The following CSNK1G1 variants were observed in gnomAD, a reference collection of about 807,000 sequenced individuals.
CSNK1G1 encodes casein kinase I isoform gamma-1.
A neutral mutation model predicts 59.6 loss-of-function variants in CSNK1G1; 22 were observed. The ratio of observed to expected loss-of-function variants is 0.37; its 90% CI spans 0.26 to 0.53. The LOEUF (loss-of-function observed/expected upper bound fraction) is 0.53, where lower values mean the gene tolerates loss of function less well. CSNK1G1 is among the 20% of genes least tolerant of loss of function. The probability of loss-of-function intolerance (pLI) is 0.89; values close to 1 mark genes in which losing one functional copy is unlikely to be tolerated. For missense variants in CSNK1G1, 384 were observed against 519.5 expected (o/e 0.74, Z 2.54); for synonymous variants, 179 against 177.1 (o/e 1.01, Z -0.08).
At chr15:64,299,433 A>G (rs1383256071) in intron 2 of CSNK1G1, among the ~76,000 whole-genome samples, 1 of 152,048 alleles carries the variant, frequency 6.6e-6, no homozygotes, top group African/African-American at 2.4e-5. Context: ...CTAAAAATAC[A>G]AAAACAAAAT....
intron 1 of CSNK1G1, among the ~76,000 whole-genome samples, chr15:64,329,593 C>T (rs1897016936): frequency 2.3e-5 from 3 of 132,714 alleles, no homozygotes; most frequent in Non-Finnish European, 1.6e-5. Context: ...AAATTGACAT[C>T]CTAACATCAC....
At chr15:64,335,057 TC>T (rs969981704) in intron 1 of CSNK1G1, among the ~76,000 whole-genome samples, 14 of 152,198 alleles carry the variant, frequency 9.2e-5, no homozygotes, top group Non-Finnish European at 2.1e-4. Context: ...CAAGTACTGC[TC>T]AGTTCACATA....
At chr15:64,286,376 T>C (rs1010758058) in intron 2 of CSNK1G1, among the ~76,000 whole-genome samples, 1 of 151,640 alleles carries the variant, frequency 6.6e-6, no homozygotes, top group African/African-American at 2.4e-5. Flanking sequence ...GTTAACAATA[T>C]TGTTAACAAT....
intron 7 of CSNK1G1, among the ~76,000 whole-genome samples, chr15:64,205,550 G>C (rs62024570): frequency 0.077 from 11,681 of 152,216 alleles, 1,401 homozygotes; most frequent in African/African-American, 0.26. Flanking sequence ...TATAGCCAGA[G>C]GGCTTCTGAA....
At chr15:64,238,450 G>A (rs1481338146) in intron 4 of CSNK1G1, among the ~76,000 whole-genome samples, 14 of 123,622 alleles carry the variant, frequency 1.1e-4, no homozygotes, top group Admixed American at 2.0e-4. Flanking sequence ...CTATGATCAC[G>A]CCACTACACT....
At chr15:64,194,011 T>C (rs2082006907) in intron 10 of CSNK1G1, 1 of 152,570 alleles carries the variant, frequency 6.6e-6, no homozygotes, top group South Asian at 2.1e-4. Flanking sequence ...GACTAGGTGA[T>C]AGAACAGAAG....
At chr15:64,348,912 A>T (rs907263251) in intron 1 of CSNK1G1, among the ~76,000 whole-genome samples, 3 of 152,128 alleles carry the variant, frequency 2.0e-5, no homozygotes, top group African/African-American at 7.2e-5. Flanking sequence ...AGGGCAGATC[A>T]CCTGAGGTCA....
chr15:64,312,746 T>C (rs894172473), intron 1 of CSNK1G1, among the ~76,000 whole-genome samples: 1 of 152,046 alleles, frequency 6.6e-6, no homozygotes, highest in African/African-American at 2.4e-5. Context: ...AAAGCCAAAA[T>C]TGACAAATGG....
intron 1 of CSNK1G1, among the ~76,000 whole-genome samples, chr15:64,351,346 A>C (rs552715274): frequency 6.6e-6 from 1 of 152,286 alleles, no homozygotes; most frequent in South Asian, 2.1e-4. Flanking sequence ...AACCTTCCCA[A>C]TCTTTCCTAA....
intron 10 of CSNK1G1, among the ~76,000 whole-genome samples, chr15:64,201,281 A>AG (rs1290936096): frequency 6.6e-6 from 1 of 151,528 alleles, no homozygotes; most frequent in Non-Finnish European, 1.5e-5. Context: ...CAAAAAAAAA[A>AG]AAAAAAAAAG....
chr15:64,216,438 T>C lies in CSNK1G1; in HGVS notation c.444+124A>G. 1 of 918,796 alleles carries C rather than the reference T, an allele frequency of 1.1e-6. No homozygotes were observed. The highest frequency in any genetic ancestry group is 2.7e-5 in the Admixed American group (1 of 37,308). 56.9% of individuals were successfully genotyped at this position (918,796 alleles called of 1,614,324 possible). On this transcript the variant is annotated intron_variant, in intron 5 of 11. Transcript: ENST00000303052. This position sits in a 1 kb window ranked among gnomAD's most constrained non-coding sequence, Gnocchi z 4.6. The stretch of plus-strand genomic sequence containing the variant: ...TTTTGCCCCAGCCAGCTTCCCAGAA[T>C]GCCATCAAGCCTGTGAGTACTAATT...
chr15:64,182,769 A>G (rs2140213728), intron 10 of CSNK1G1, among the ~76,000 whole-genome samples: 1 of 152,240 alleles, frequency 6.6e-6, no homozygotes, highest in East Asian at 1.9e-4. Context: ...TAATTCGTTC[A>G]GCAAGGTTAA....
At chr15:64,217,682 G>A (rs758715064) in intron 4 of CSNK1G1, among the ~76,000 whole-genome samples, 22 of 151,976 alleles carry the variant, frequency 1.4e-4, no homozygotes, top group Non-Finnish European at 3.2e-4. Context: ...TGGGCATGGT[G>A]GCACGCACCT....
chr15:64,213,184 T>C (rs955734224), intron 6 of CSNK1G1, among the ~76,000 whole-genome samples: 1 of 152,094 alleles, frequency 6.6e-6, no homozygotes, highest in Non-Finnish European at 1.5e-5. Context: ...TTTCTTCAAA[T>C]AGAATCTTCC....
At chr15:64,296,838 T>A (rs772455151) in intron 2 of CSNK1G1, among the ~76,000 whole-genome samples, 7 of 146,682 alleles carry the variant, frequency 4.8e-5, no homozygotes, top group South Asian at 2.1e-4. Flanking sequence ...CACTCTAGCC[T>A]GGGCAAAAAG....
intron 4 of CSNK1G1, among the ~76,000 whole-genome samples, chr15:64,229,583 T>G (rs1034530007): frequency 6.6e-6 from 1 of 151,970 alleles, no homozygotes; most frequent in Non-Finnish European, 1.5e-5. Flanking sequence ...CAGCTCAGCC[T>G]GGAGTTGCCA....
intron 8 of CSNK1G1, 104 bp from the exon 9 acceptor site, chr15:64,204,693 G>T: frequency 7.8e-7 from 1 of 1,287,704 alleles, no homozygotes; most frequent in South Asian, 1.3e-5. Context: ...CAGACAATTT[G>T]ACACTGATGT....
chr15:64,259,299 C>T, intron 2 of CSNK1G1, 58 bp from the exon 3 acceptor site: 1 of 1,252,444 alleles, frequency 8.0e-7, no homozygotes, highest in Non-Finnish European at 1.1e-6. Flanking sequence ...AAAAGCAAAG[C>T]AAAATATTAG....
chr15:64,326,604 A>G (rs1896849117), intron 1 of CSNK1G1, among the ~76,000 whole-genome samples: 2 of 151,772 alleles, frequency 1.3e-5, no homozygotes, highest in South Asian at 4.2e-4. Context: ...AGATCACGCC[A>G]TTGCACTCCA....
Sources: gnomAD v4.1 joint callset for allele counts (sites outside exome capture counted in the v4.1 genomes callset) on GRCh38, gnomAD v4.1.1 for gene constraint, Gnocchi (gnomAD v3.1) non-coding constraint, MANE v1.5 for transcripts, NCBI Gene and HGNC (gene_info 2026-07-23, HGNC 2026-07-21) for gene names.